Variants in COL4A4 observed in about 807,000 individuals in gnomAD.
COL4A4 encodes the protein collagen alpha-4(IV) chain.
A neutral mutation model predicts 192.9 loss-of-function variants in COL4A4; 105 were observed. The ratio of observed to expected loss-of-function variants is 0.54; its 90% CI spans 0.46 to 0.64. COL4A4 has a LOEUF of 0.64. Ranked by LOEUF, COL4A4 falls within the 30% of genes least tolerant of loss-of-function variation. COL4A4 has a pLI of 0.00. For synonymous variants in COL4A4, 762 were observed against 769.9 expected (o/e 0.99, Z 0.17); for missense variants, 1,967 against 2,169.3 (o/e 0.91, Z 1.85).
Position 227,012,127 on chromosome 2 carries a change from A to G in COL4A4, c.4333+54T>C, listed in dbSNP as rs188568625. On this transcript the variant is annotated intron_variant, in intron 45 of 47. Coordinates refer to ENST00000396625, the MANE Select transcript of COL4A4 (RefSeq NM_000092.5). ...CCACTTGAGAGATCAGAGATTTTGTATACAACTCTAAGGTTTACAGTGTCA... is the reference window on the plus strand; with the variant it reads ...CCACTTGAGAGATCAGAGATTTTGTGTACAACTCTAAGGTTTACAGTGTCA... 7.7e-4 allele frequency: 1,080 copies of G among 1,397,190 alleles called. 1 individual carries two copies. The highest frequency in any genetic ancestry group is 1.0e-3 in the Non-Finnish European group (1,010 of 981,674). The allele number at this position is 1,397,190 out of a possible 1,614,324, so 86.5% of individuals were successfully genotyped here.
At position 227,118,639 on chromosome 2, in the gene COL4A4, T is replaced by G; in HGVS notation, c.489+6A>C. ...TTCCTGTTAAGATGAACTGTGGGTA[T>G]CTTACTAGGGGGCCTCCTGGGCCAA... On this transcript the variant is annotated splice_donor_region_variant and intron_variant, in intron 7 of 47. Coordinates refer to ENST00000396625, the MANE Select transcript of COL4A4 (RefSeq NM_000092.5). The G allele has an allele frequency of 6.2e-7, 1 of 1,602,432 alleles. No homozygotes were observed.
chr2:227,008,945 T>G (rs1046424625), intron 46 of COL4A4, among the ~76,000 whole-genome samples: 2 of 151,978 alleles, frequency 1.3e-5, no homozygotes, highest in Non-Finnish European at 2.9e-5. Context: ...ATCCCAAGAG[T>G]TCTGCAGAGT....
chr2:226,971,143 A>G, the COL4A4 span, among the ~76,000 whole-genome samples: 1 of 152,190 alleles, frequency 6.6e-6, no homozygotes, highest in Non-Finnish European at 1.5e-5. Flanking sequence ...GGCCTTTAAA[A>G]AACTCACCCT....
Position 227,101,875 on chromosome 2 carries a change from G to C in COL4A4, c.965C>G (p.Pro322Arg). The change falls in exon 16 of 48, where the codon CCA (proline) becomes CGA (arginine). Residue 322 changes from proline (P) to arginine (R), a missense_variant. Coordinates refer to ENST00000396625, the MANE Select transcript of COL4A4 (RefSeq NM_000092.5). ...ATGAGGTACATTTACCTTTAATCCT[G>C]GAAAACCTGGAGATCCATAGGAACC... ...DPGSYGSPGF[P>R]GLKGELGLVG... is the part of the protein sequence containing the mutation. The C allele has an allele frequency of 6.3e-7, 1 of 1,592,448 alleles. No individual in the cohort carries two copies. Among genetic ancestry groups the C allele is most frequent in the Non-Finnish European group, 8.6e-7 (1 of 1,165,272 alleles).
rs60344965 is a variant in COL4A4 at position 227,059,638 on chromosome 2, A to G, written c.2165-15T>C. 1.9e-6 allele frequency: 3 copies of G among 1,606,098 alleles called. No homozygotes were observed. Among genetic ancestry groups the G allele is most frequent in the Non-Finnish European group, 2.6e-6 (3 of 1,173,298 alleles). ...ACCACGAAAACCTATTTAACAACAAAAAAAAATTTTTAATGATAACATGTG... is the reference window on the plus strand; with the variant it reads ...ACCACGAAAACCTATTTAACAACAAGAAAAAATTTTTAATGATAACATGTG... On this transcript the variant is annotated splice_polypyrimidine_tract_variant and intron_variant, in intron 27 of 47. Coordinates refer to ENST00000396625, the MANE Select transcript of COL4A4 (RefSeq NM_000092.5).
intron 7 of COL4A4, among the ~76,000 whole-genome samples, chr2:227,115,317 C>T (rs2124939315): frequency 7.0e-6 from 1 of 142,028 alleles, no homozygotes; most frequent in Non-Finnish European, 1.5e-5. Flanking sequence ...GTCTACCAGG[C>T]TGGAGTGCAG....
chr2:227,135,828 G>C (rs1162869051), intron 4 of COL4A4, among the ~76,000 whole-genome samples: 2 of 151,872 alleles, frequency 1.3e-5, no homozygotes, highest in Non-Finnish European at 2.9e-5. Flanking sequence ...ATTTTTAGTA[G>C]AGGTGGGGTT....
chr2:227,111,277 G>C (rs1002395918), intron 9 of COL4A4, among the ~76,000 whole-genome samples: 26 of 152,138 alleles, frequency 1.7e-4, no homozygotes, highest in African/African-American at 5.8e-4. Context: ...GATTCACCAG[G>C]CAAAATGGTA....
At chr2:226,977,640 C>T in the COL4A4 span, among the ~76,000 whole-genome samples, 1 of 152,184 alleles carries the variant, frequency 6.6e-6, no homozygotes, top group African/African-American at 2.4e-5. Context: ...TAATAGTTGT[C>T]ATCCGAGGTA....
chr2:226,997,646 T>C, the COL4A4 span: 2 of 152,202 alleles, frequency 1.3e-5, no homozygotes, highest in Non-Finnish European at 2.9e-5. Context: ...TTTATATCAC[T>C]TGAGTCCACT....
chr2:227,022,402 G>A (rs988080204), intron 43 of COL4A4: 17 of 745,716 alleles, frequency 2.3e-5, no homozygotes, highest in African/African-American at 2.1e-4. Flanking sequence ...CCAGAATGTC[G>A]GGCTGACCGA....
chr2:227,066,978 C>T (rs1369415554), intron 25 of COL4A4, among the ~76,000 whole-genome samples: 47 of 147,186 alleles, frequency 3.2e-4, no homozygotes, highest in East Asian at 7.8e-4. Flanking sequence ...ACCCATCTCA[C>T]GTGCAGAGAC....
Position 227,022,403 on chromosome 2 carries a change from G to A in COL4A4, c.4091-230C>T, listed in dbSNP as rs1966179670. 5.4e-6 allele frequency: 4 copies of A among 745,222 alleles called. No individual in the cohort carries two copies. The South Asian group carries it at 5.4e-5, about 10-fold the overall frequency. The allele number at this position is 745,222 out of a possible 1,614,324, so 46.2% of individuals were successfully genotyped here. ...TACATGAAAAAATTCCAGAATGTCG[G>A]GCTGACCGAATGAGTGAATGGAGTA... is the stretch of plus-strand genomic sequence containing the variant. On this transcript the variant is annotated intron_variant, in intron 43 of 47. Coordinates refer to ENST00000396625, the MANE Select transcript of COL4A4 (RefSeq NM_000092.5).
intron 26 of COL4A4, among the ~76,000 whole-genome samples, chr2:227,060,725 A>AT (rs11458771): frequency 0.02 from 2,727 of 139,030 alleles, 75 homozygotes; most frequent in African/African-American, 0.061. Flanking sequence ...GTAATAGAGA[A>AT]TTTTTTTTTT....
chr2:227,108,670 A>T, intron 11 of COL4A4, 48 bp from the exon 12 acceptor site: 1 of 1,603,550 alleles, frequency 6.2e-7, no homozygotes, highest in Non-Finnish European at 8.5e-7. Flanking sequence ...ATTTTAAAAA[A>T]GTAATTAAAA....
At chr2:227,007,616 G>T in intron 47 of COL4A4, 28 bp from the exon 48 acceptor site, 1 of 1,612,028 alleles carries the variant, frequency 6.2e-7, no homozygotes, top group Non-Finnish European at 8.5e-7. Context: ...GAGAATTAGG[G>T]CTCAGACACA....
chr2:226,973,114 C>T, the COL4A4 span, among the ~76,000 whole-genome samples: 2 of 152,144 alleles, frequency 1.3e-5, no homozygotes, highest in South Asian at 2.1e-4. Context: ...ACTTCAGCCT[C>T]GGGGTTCTTG....
intron 4 of COL4A4, among the ~76,000 whole-genome samples, chr2:227,121,387 A>AC (rs2061775104): frequency 6.6e-6 from 1 of 151,700 alleles, no homozygotes; most frequent in African/African-American, 2.4e-5. Context: ...ACAAAGTGAG[A>AC]CCCCCCATCT....
intron 45 of COL4A4, among the ~76,000 whole-genome samples, chr2:227,011,698 A>G (rs1471308486): frequency 1.3e-5 from 2 of 152,122 alleles, no homozygotes; most frequent in Non-Finnish European, 2.9e-5. Context: ...TTTTCTTTTA[A>G]GAAAGAGCCC....
Sources: allele counts gnomAD v4.1 joint callset (sites outside exome capture counted in the v4.1 genomes callset), GRCh38; gene constraint gnomAD v4.1.1; transcripts MANE v1.5; gene names NCBI Gene and HGNC (gene_info 2026-07-23, HGNC 2026-07-21).